The following CNOT4 variants were observed in gnomAD, a reference collection of about 807,000 sequenced individuals.
The protein encoded by CNOT4 is CCR4-associated factor 4.
Under a neutral mutation model 73.8 loss-of-function variants are expected in CNOT4, and 8 were observed. The ratio of observed to expected loss-of-function variants is 0.11; its 90% CI spans 0.06 to 0.20. The LOEUF (loss-of-function observed/expected upper bound fraction) is 0.20, where lower values mean the gene tolerates loss of function less well. Ranked by LOEUF, CNOT4 falls within the 10% of genes least tolerant of loss-of-function variation. The pLI is 1.00. For missense variants in CNOT4, 564 were observed against 883.4 expected (o/e 0.64, Z 4.58); for synonymous variants, 293 against 321.1 (o/e 0.91, Z 0.94).
intron 6 of CNOT4, 43 bp from the exon 7 acceptor site, chr7:135,410,691 T>C (rs1797544948): frequency 2.0e-6 from 3 of 1,526,996 alleles, no homozygotes; most frequent in Non-Finnish European, 1.8e-6. Flanking sequence ...ATTCACAAAA[T>C]GGCTGGTATA....
intron 1 of CNOT4, among the ~76,000 whole-genome samples, chr7:135,498,555 T>C (rs961027176): frequency 6.6e-6 from 1 of 152,176 alleles, no homozygotes; most frequent in African/African-American, 2.4e-5. Context: ...TTATGTTTGT[T>C]TGTTTGTTTT....
At chr7:135,446,773 G>A (rs1374630926) in intron 1 of CNOT4, among the ~76,000 whole-genome samples, 2 of 151,174 alleles carry the variant, frequency 1.3e-5, no homozygotes, top group African/African-American at 4.9e-5. Context: ...GTATTGTATA[G>A]CATCTTAAAA....
intron 1 of CNOT4, among the ~76,000 whole-genome samples, chr7:135,479,198 ATTTTTTTT>A (rs61487024): frequency 2.1e-4 from 19 of 89,872 alleles, no homozygotes; most frequent in African/African-American, 7.9e-4. Flanking sequence ...TTAGAACCAA[ATTTTTTTT>A]TTTTTTTTTT....
At chr7:135,394,495 T>G (rs969965672) in intron 9 of CNOT4, 80 bp from the exon 10 acceptor site, 16 of 1,176,998 alleles carry the variant, frequency 1.4e-5, no homozygotes, top group Non-Finnish European at 1.9e-5. Context: ...CTACTGAAAG[T>G]TAAACATGTC....
chr7:135,469,283 T>C (rs1039518982), intron 1 of CNOT4, among the ~76,000 whole-genome samples: 8 of 152,204 alleles, frequency 5.3e-5, no homozygotes, highest in African/African-American at 1.9e-4. Flanking sequence ...TAAGAGCTGA[T>C]GAAATACAAA....
At chr7:135,412,633 C>CA (rs1404104208) in intron 6 of CNOT4, among the ~76,000 whole-genome samples, 1 of 151,766 alleles carries the variant, frequency 6.6e-6, no homozygotes, top group Non-Finnish European at 1.5e-5. Context: ...AGCTCCAAGT[C>CA]AAAAAAGGTA....
chr7:135,487,950 G>A (rs895689147), intron 1 of CNOT4, among the ~76,000 whole-genome samples: 14 of 151,940 alleles, frequency 9.2e-5, no homozygotes, highest in African/African-American at 3.1e-4. Context: ...CCAGCTACTC[G>A]GGAGGCTGAG....
chr7:135,461,098 T>C (rs1800846561), intron 1 of CNOT4, among the ~76,000 whole-genome samples: 1 of 152,196 alleles, frequency 6.6e-6, no homozygotes, highest in Non-Finnish European at 1.5e-5. Context: ...TAGATCACAT[T>C]CTACAAAGAT....
chr7:135,473,456 T>C (rs947277099), intron 1 of CNOT4, among the ~76,000 whole-genome samples: 1 of 152,140 alleles, frequency 6.6e-6, no homozygotes, highest in Non-Finnish European at 1.5e-5. Context: ...TGGCAAAAGA[T>C]TTAAAAATAG....
In CNOT4 at chr7:135,364,641, C is replaced by G. The variant is rs1287759350; in HGVS notation, c.1628-575G>C. On this transcript the variant is annotated intron_variant, in intron 10 of 11. Transcript: ENST00000541284. This position sits in a 1 kb window ranked among gnomAD's most constrained non-coding sequence, Gnocchi z 4.3. ...TTTTGAATTTGAAAAGAATGTATTT[C>G]CATTTAGTCACTAAGGCCGAGGAGG... Among the ~76,000 whole-genome samples, 1 of 152,222 alleles carries G rather than the reference C, an allele frequency of 6.6e-6. No individual in the cohort carries two copies. The highest frequency in any genetic ancestry group is 1.5e-5 in the Non-Finnish European group (1 of 68,040).
At chr7:135,387,801 A>C in intron 10 of CNOT4, 3 of 979,884 alleles carry the variant, frequency 3.1e-6, no homozygotes, top group Non-Finnish European at 3.6e-6. Context: ...AAAGTACTCC[A>C]CTATTCTCTT....
intron 1 of CNOT4, among the ~76,000 whole-genome samples, chr7:135,448,605 A>C (rs1479562528): frequency 6.6e-6 from 1 of 152,106 alleles, no homozygotes; most frequent in African/African-American, 2.4e-5. Context: ...AGAAAAATAA[A>C]GGCAAAGGAC....
At chr7:135,502,428 T>C (rs1585743664) in intron 1 of CNOT4, among the ~76,000 whole-genome samples, 1 of 152,284 alleles carries the variant, frequency 6.6e-6, no homozygotes, top group Non-Finnish European at 1.5e-5. Context: ...GTGCTAATTA[T>C]ATCATTATGA....
intron 10 of CNOT4, chr7:135,386,600 A>C (rs1796135021): frequency 6.6e-6 from 1 of 152,184 alleles, no homozygotes; most frequent in Non-Finnish European, 1.5e-5. Context: ...TGTTTAAATA[A>C]AATATTAGGT....
intron 10 of CNOT4, chr7:135,384,534 C>T (rs1459060163): frequency 4.7e-6 from 3 of 636,276 alleles, no homozygotes; most frequent in Non-Finnish European, 8.6e-6. Flanking sequence ...ATCTGCCTGC[C>T]TTGGCCTCCC....
intron 5 of CNOT4, 22 bp downstream of exon 5, chr7:135,414,309 A>G: frequency 1.2e-6 from 1 of 847,426 alleles, no homozygotes; most frequent in Non-Finnish European, 1.9e-6. Flanking sequence ...AAAAAAAAAA[A>G]GAATCAAGAG....
At chr7:135,399,871 C>T (rs1388113733) in intron 7 of CNOT4, among the ~76,000 whole-genome samples, 4 of 151,862 alleles carry the variant, frequency 2.6e-5, no homozygotes, top group Non-Finnish European at 4.4e-5. Flanking sequence ...AGATATAGAC[C>T]TGAGCCCACT....
chr7:135,372,797 C>T (rs1795288989), intron 10 of CNOT4, among the ~76,000 whole-genome samples: 1 of 152,072 alleles, frequency 6.6e-6, no homozygotes, highest in Admixed American at 6.5e-5. Flanking sequence ...CCTCGTGATC[C>T]ACCAGCCTCA....
intron 10 of CNOT4, among the ~76,000 whole-genome samples, chr7:135,368,702 AC>A (rs1795041609): frequency 6.6e-6 from 1 of 152,172 alleles, no homozygotes; most frequent in Non-Finnish European, 1.5e-5. Context: ...AAATCTCACA[AC>A]AGGTTGAAAC....
Sources: gnomAD v4.1 joint callset for allele counts (sites outside exome capture counted in the v4.1 genomes callset) on GRCh38, gnomAD v4.1.1 for gene constraint, Gnocchi (gnomAD v3.1) non-coding constraint, MANE v1.5 for transcripts, NCBI Gene and HGNC (gene_info 2026-07-23, HGNC 2026-07-21) for gene names.